The following CD44 variants were observed in gnomAD, a reference collection of about 807,000 sequenced individuals.
CD44 encodes CD44 antigen.
A neutral mutation model predicts 88.8 loss-of-function variants in CD44; 49 were observed. The observed-to-expected ratio is 0.55, with a 90% CI of 0.44 to 0.70. The LOEUF (loss-of-function observed/expected upper bound fraction) is 0.70, where lower values mean the gene tolerates loss of function less well. CD44 is among the 30% of genes least tolerant of loss of function. The probability of loss-of-function intolerance (pLI) is 0.00; values close to 1 mark genes in which losing one functional copy is unlikely to be tolerated. For missense variants in CD44, 883 were observed against 913.8 expected, an observed-to-expected ratio of 0.97 and a Z score of 0.43; for synonymous variants, 325 against 312.3, an observed-to-expected ratio of 1.04 and a Z score of -0.43.
At chr11:35,211,536 G>T in intron 14 of CD44, 87 bp downstream of exon 14, 3 of 962,802 alleles carry the variant, frequency 3.1e-6, no homozygotes, top group Non-Finnish European at 4.9e-6. Context: ...TTTCTGTGTA[G>T]TCTGGGATTG....
At chr11:35,154,261 G>T (rs1258656837) in intron 1 of CD44, among the ~76,000 whole-genome samples, 1 of 152,150 alleles carries the variant, frequency 6.6e-6, no homozygotes, top group Non-Finnish European at 1.5e-5. Flanking sequence ...TGTACATTTA[G>T]GGGATGGTTT....
Position 35,231,368 on chromosome 11 carries a change from T to A in CD44, c.*2035T>A, listed in dbSNP as rs1950047959. On this transcript the variant is annotated 3_prime_UTR_variant, in exon 18 of 18. Transcript: ENST00000428726. ...AAGGTTCAAAATGGTTACAACAGCC[T>A]CTACCTGTCGCCCCAGGGAGAAAGG... is the stretch of plus-strand genomic sequence containing the variant. 6.6e-6 allele frequency: 1 copy of A among 152,200 alleles called. No homozygotes were observed. Among genetic ancestry groups the A allele is most frequent in the Non-Finnish European group, 1.5e-5 (1 of 68,044 alleles). The allele number at this position is 152,200 out of a possible 1,614,324, so 9.4% of individuals were successfully genotyped here.
intron 3 of CD44, among the ~76,000 whole-genome samples, chr11:35,181,772 ATATT>A (rs1225837445): frequency 5.2e-4 from 58 of 111,958 alleles, no homozygotes; most frequent in African/African-American, 1.7e-3. Flanking sequence ...TTATATATTT[ATATT>A]TATTTATATA....
At chr11:35,206,511 T>A (rs1251258158) in intron 11 of CD44, among the ~76,000 whole-genome samples, 1 of 152,000 alleles carries the variant, frequency 6.6e-6, no homozygotes, top group Non-Finnish European at 1.5e-5. Context: ...CAGTAAGTAA[T>A]AGATATGAAA....
chr11:35,222,357 A>G (rs1276168665), intron 17 of CD44: 1 of 1,217,834 alleles, frequency 8.2e-7, no homozygotes, highest in African/African-American at 1.6e-5. Context: ...ATCATTTTCT[A>G]TTTTCTGGGA....
intron 1 of CD44, among the ~76,000 whole-genome samples, chr11:35,175,675 C>G (rs373906792): frequency 6.6e-6 from 1 of 152,062 alleles, no homozygotes; most frequent in East Asian, 1.9e-4. Context: ...CATCAATAAT[C>G]AAAATTAAAT....
At chr11:35,171,797 A>G (rs889686971) in intron 1 of CD44, among the ~76,000 whole-genome samples, 1 of 152,174 alleles carries the variant, frequency 6.6e-6, no homozygotes, top group African/African-American at 2.4e-5. Flanking sequence ...ATTGTTAACT[A>G]AAGAAAAATG....
Position 35,208,214 on chromosome 11 carries a change from T to A in CD44, c.1516+8T>A. ...CTCTTTCAATGACAACGCGTAAGAA[T>A]AACGATGCTCAGCCACTTTATTGAC... On this transcript the variant is annotated splice_region_variant and intron_variant, in intron 12 of 17. Coordinates refer to ENST00000428726, the MANE Select transcript of CD44 (RefSeq NM_000610.4). The A allele has an allele frequency of 1.3e-6, 2 of 1,564,774 alleles. No homozygotes were observed. Among genetic ancestry groups the A allele is most frequent in the Non-Finnish European group, 1.8e-6 (2 of 1,135,170 alleles).
chr11:35,147,186 A>G (rs759652266), intron 1 of CD44, among the ~76,000 whole-genome samples: 1 of 152,170 alleles, frequency 6.6e-6, no homozygotes, highest in South Asian at 2.1e-4. Context: ...TAGAACTTTG[A>G]CTGGGAAATG....
intron 4 of CD44, among the ~76,000 whole-genome samples, chr11:35,187,872 G>A (rs963694047): frequency 6.6e-6 from 1 of 152,022 alleles, no homozygotes. Flanking sequence ...ATATATTCGG[G>A]CACTTTTTAA....
intron 17 of CD44, among the ~76,000 whole-genome samples, chr11:35,228,435 G>A (rs576762954): frequency 6.6e-6 from 1 of 152,264 alleles, no homozygotes; most frequent in East Asian, 1.9e-4. Context: ...GTGTTGACTG[G>A]GAGAGGAAGT....
chr11:35,225,677 T>A (rs1044651733), intron 17 of CD44, among the ~76,000 whole-genome samples: 8 of 151,930 alleles, frequency 5.3e-5, no homozygotes, highest in Non-Finnish European at 1.2e-4. Context: ...ATTAGCCAGG[T>A]GTGGTGGCGG....
In CD44 at chr11:35,225,848, A is replaced by G. The variant is rs544705620; in HGVS notation, c.2025-3281A>G. 5.3e-5 allele frequency among the ~76,000 whole-genome samples: 8 copies of G among 152,086 alleles called. No homozygotes were observed. The South Asian group carries it at 1.4e-3, about 28-fold the overall frequency. ...AACAAAACAAACAAACAAACAAACAAACAAAAACAGAAAATCCAAGCTGTG... is the reference window on the plus strand; with the variant it reads ...AACAAAACAAACAAACAAACAAACAGACAAAAACAGAAAATCCAAGCTGTG... On this transcript the variant is annotated intron_variant, in intron 17 of 17. Coordinates refer to ENST00000428726, the MANE Select transcript of CD44 (RefSeq NM_000610.4).
intron 5 of CD44, 184 bp downstream of exon 5, chr11:35,190,249 C>T (rs1022258827): frequency 3.3e-6 from 2 of 603,740 alleles, no homozygotes; most frequent in Admixed American, 2.9e-5. Context: ...ACTACTACTG[C>T]CTACCTTTTT....
At position 35,215,038 on chromosome 11, in the gene CD44, AT is replaced by A. The variant is rs775144608; in HGVS notation, c.1873+126del. On this transcript the variant is annotated intron_variant, in intron 15 of 17. Coordinates refer to ENST00000428726, the MANE Select transcript of CD44 (RefSeq NM_000610.4). ...TCAAACCTTCTTAGCATACATCACAATTGCAGGGAGGGCTTATTAAACCACA... is the reference window on the plus strand; with the variant it reads ...TCAAACCTTCTTAGCATACATCACAATGCAGGGAGGGCTTATTAAACCACA... 27 of 490,310 alleles carry A rather than the reference AT, an allele frequency of 5.5e-5. No homozygotes were observed. The Middle Eastern group carries it at 9.0e-4, about 16-fold the overall frequency. The allele number at this position is 490,310 out of a possible 1,614,324, so 30.4% of individuals were successfully genotyped here.
At chr11:35,141,833 G>A (rs1400919352) in intron 1 of CD44, among the ~76,000 whole-genome samples, 2 of 152,214 alleles carry the variant, frequency 1.3e-5, no homozygotes, top group Non-Finnish European at 2.9e-5. Flanking sequence ...TTGTCAGAGG[G>A]CTTGGGGCTG....
chr11:35,149,430 G>A (rs867718621), intron 1 of CD44, among the ~76,000 whole-genome samples: 3 of 152,212 alleles, frequency 2.0e-5, no homozygotes, highest in Admixed American at 6.5e-5. Flanking sequence ...TAACAGCAGC[G>A]TGAGCTTGGG....
intron 5 of CD44, among the ~76,000 whole-genome samples, chr11:35,194,598 TA>T (rs1337291277): frequency 6.6e-6 from 1 of 152,204 alleles, no homozygotes; most frequent in African/African-American, 2.4e-5. Context: ...CTTTTAGTGT[TA>T]GGGGAGAGGA....
intron 1 of CD44, among the ~76,000 whole-genome samples, chr11:35,147,580 G>A (rs748977514): frequency 1.8e-4 from 27 of 151,800 alleles, no homozygotes; most frequent in Admixed American, 3.3e-4. Context: ...TCCTGGGAAT[G>A]AGGACTCATC....
Sources: gnomAD v4.1 joint callset for allele counts (sites outside exome capture counted in the v4.1 genomes callset) on GRCh38, gnomAD v4.1.1 for gene constraint, MANE v1.5 for transcripts, NCBI Gene and HGNC (gene_info 2026-07-23, HGNC 2026-07-21) for gene names.